DLGAP1: variants seen among roughly 807,000 people sequenced by gnomAD.
The protein encoded by DLGAP1 is disks large-associated protein 1.
In DLGAP1, 11 loss-of-function variants were observed where a neutral mutation model predicts 90.8. The ratio of observed to expected loss-of-function variants is 0.12; its 90% CI spans 0.08 to 0.20. The LOEUF (loss-of-function observed/expected upper bound fraction) is 0.20, where lower values mean the gene tolerates loss of function less well. DLGAP1 is among the 10% of genes least tolerant of loss of function. DLGAP1 has a pLI of 1.00. For missense variants in DLGAP1, 1,050 were observed against 1,333.8 expected (o/e 0.79, Z 3.31); for synonymous variants, 558 against 540.7 (o/e 1.03, Z -0.44).
Position 4,265,591 on chromosome 18 carries a change from TTTGC to T in DLGAP1, c.-266-114308_-266-114305del, listed in dbSNP as rs200923151. On this transcript the variant is annotated intron_variant, in intron 1 of 12. Coordinates refer to ENST00000315677, the MANE Select transcript of DLGAP1 (RefSeq NM_004746.4). ...CCTTTCCTTTTTCTTTGTTTCTTCT[TTTGC>T]TTTCTTTCCTTCCTTCCTTCCCTCC... Among the ~76,000 whole-genome samples, 92 of 106,126 alleles carry T rather than the reference TTTGC, an allele frequency of 8.7e-4. 7 individuals carry two copies. The highest frequency in any genetic ancestry group is 1.9e-3 in the African/African-American group (48 of 25,656). 69.6% of individuals were successfully genotyped at this position (106,126 alleles called of 152,430 possible).
chr18:4,291,211 T>C (rs952478824), intron 1 of DLGAP1, among the ~76,000 whole-genome samples: 3 of 152,170 alleles, frequency 2.0e-5, no homozygotes, highest in Non-Finnish European at 4.4e-5. Flanking sequence ...AAATGGAAAC[T>C]GTAATACAGA....
At chr18:4,082,395 C>T (rs2075622169) in intron 2 of DLGAP1, among the ~76,000 whole-genome samples, 2 of 148,060 alleles carry the variant, frequency 1.4e-5, no homozygotes, top group Admixed American at 1.4e-4. Flanking sequence ...CCTGTAATCC[C>T]AGCTACTCGG....
intron 5 of DLGAP1, among the ~76,000 whole-genome samples, chr18:3,790,583 A>G (rs1202513641): frequency 6.6e-6 from 1 of 152,116 alleles, no homozygotes; most frequent in Non-Finnish European, 1.5e-5. Context: ...TTGTTTCTTT[A>G]ATCTTTAAAA....
intron 3 of DLGAP1, chr18:3,895,999 A>T (rs2071612966): frequency 6.6e-6 from 1 of 152,198 alleles, no homozygotes; most frequent in Admixed American, 6.5e-5. Context: ...CAACAACGCC[A>T]CTCGGTAAGC....
At chr18:3,508,067 G>T (rs2050344383) in intron 11 of DLGAP1, among the ~76,000 whole-genome samples, 1 of 152,158 alleles carries the variant, frequency 6.6e-6, no homozygotes, top group South Asian at 2.1e-4. Flanking sequence ...TGTCCAAGAA[G>T]GATGAATTCT....
intron 5 of DLGAP1, among the ~76,000 whole-genome samples, chr18:3,803,957 C>CATATATATATAT (rs33952757): frequency 4.2e-4 from 35 of 84,004 alleles, no homozygotes; most frequent in Non-Finnish European, 6.9e-4. Flanking sequence ...TATGTAGGTT[C>CATATATATATAT]ATATATATAT....
chr18:4,073,677 A>G (rs1451678708), intron 2 of DLGAP1, among the ~76,000 whole-genome samples: 1 of 152,216 alleles, frequency 6.6e-6, no homozygotes. Context: ...AAACTTGATT[A>G]ATTTCCAATG....
At chr18:4,433,650 G>T (rs1042384200) in intron 1 of DLGAP1, among the ~76,000 whole-genome samples, 3 of 152,134 alleles carry the variant, frequency 2.0e-5, no homozygotes, top group African/African-American at 7.2e-5. Context: ...CTAATGATGG[G>T]TTGAGAGCAA....
intron 1 of DLGAP1, among the ~76,000 whole-genome samples, chr18:4,447,611 A>G (rs2083700448): frequency 6.6e-6 from 1 of 152,152 alleles, no homozygotes; most frequent in East Asian, 1.9e-4. Flanking sequence ...AAAGGGGTTT[A>G]TAATATTATT....
chr18:3,916,983 T>C (rs931203964), intron 3 of DLGAP1, among the ~76,000 whole-genome samples: 12 of 152,222 alleles, frequency 7.9e-5, no homozygotes, highest in African/African-American at 2.7e-4. Context: ...GTACCTTGAG[T>C]ACCCATACAA....
chr18:4,424,099 C>G (rs963339903), intron 1 of DLGAP1, among the ~76,000 whole-genome samples: 1 of 151,938 alleles, frequency 6.6e-6, no homozygotes, highest in African/African-American at 2.4e-5. Flanking sequence ...TGCAGTGAGC[C>G]GAGATCATGC....
At chr18:3,795,238 A>G (rs1307248907) in intron 5 of DLGAP1, among the ~76,000 whole-genome samples, 1 of 152,126 alleles carries the variant, frequency 6.6e-6, no homozygotes, top group African/African-American at 2.4e-5. Flanking sequence ...TGAAACAGAC[A>G]CAGAGATTTT....
intron 2 of DLGAP1, among the ~76,000 whole-genome samples, chr18:4,128,140 G>A (rs1323201914): frequency 6.6e-6 from 1 of 152,058 alleles, no homozygotes; most frequent in African/African-American, 2.4e-5. Context: ...TTCAACATCC[G>A]TGGATACAAT....
chr18:4,422,884 T>C (rs2083071564), intron 1 of DLGAP1, among the ~76,000 whole-genome samples: 1 of 152,036 alleles, frequency 6.6e-6, no homozygotes, highest in Non-Finnish European at 1.5e-5. Context: ...GTAAAGTAAA[T>C]GAGACCATGA....
At chr18:4,242,495 T>C (rs1173561995) in intron 1 of DLGAP1, among the ~76,000 whole-genome samples, 3 of 152,056 alleles carry the variant, frequency 2.0e-5, no homozygotes, top group Non-Finnish European at 2.9e-5. Context: ...AAATGCAAAC[T>C]TAGGAAAAAC....
intron 9 of DLGAP1, among the ~76,000 whole-genome samples, chr18:3,541,412 C>A (rs76932397): frequency 0.028 from 4,289 of 152,188 alleles, 191 homozygotes; most frequent in African/African-American, 0.097. Context: ...CAGTAAGGAA[C>A]TATTTGGCTA....
chr18:3,516,136 ATGT>A (rs2144027443), intron 10 of DLGAP1, among the ~76,000 whole-genome samples: 1 of 152,292 alleles, frequency 6.6e-6, no homozygotes, highest in East Asian at 1.9e-4. Context: ...ACTCCTGCTA[ATGT>A]TGATATTTTG....
At chr18:4,003,543 A>G (rs1407223141) in intron 3 of DLGAP1, among the ~76,000 whole-genome samples, 1 of 151,914 alleles carries the variant, frequency 6.6e-6, no homozygotes. Flanking sequence ...AACAGAAAAC[A>G]AAGTATTTCA....
At chr18:4,329,752 C>A (rs611533) in intron 1 of DLGAP1, among the ~76,000 whole-genome samples, 152,166 of 152,182 alleles carry the variant, frequency 1, 76,075 homozygotes, top group Non-Finnish European at 1. Context: ...ATTATAAATT[C>A]CATTGTTAAA....
Sources: allele counts gnomAD v4.1 joint callset (sites outside exome capture counted in the v4.1 genomes callset), GRCh38; gene constraint gnomAD v4.1.1; transcripts MANE v1.5; gene names NCBI Gene and HGNC (gene_info 2026-07-23, HGNC 2026-07-21).